The following PMM2 variants were observed in gnomAD, a reference collection of about 807,000 sequenced individuals.
PMM2 encodes mannose-6-phosphate isomerase.
In PMM2, 35 loss-of-function variants were observed where a neutral mutation model predicts 33.2. That is an observed-to-expected ratio of 1.06 (90% CI 0.81 to 1.40). The LOEUF is 1.40. Ranked by LOEUF, PMM2 falls within the 40% of genes most tolerant of loss-of-function variation. The pLI, the probability that PMM2 is intolerant of heterozygous loss-of-function variation, is 0.00. For synonymous variants in PMM2, 153 were observed against 114.7 expected (o/e 1.33, Z -2.13); for missense variants, 386 against 306.0 (o/e 1.26, Z -1.95).
chr16:8,803,048 T>A (rs1218953799), intron 2 of PMM2, among the ~76,000 whole-genome samples: 1 of 152,130 alleles, frequency 6.6e-6, no homozygotes, highest in Non-Finnish European at 1.5e-5. Flanking sequence ...ACCCACTAGA[T>A]GCCCACAGCA....
intron 7 of PMM2, among the ~76,000 whole-genome samples, chr16:8,839,305 A>G (rs2060873634): frequency 6.6e-6 from 1 of 151,954 alleles, no homozygotes; most frequent in Admixed American, 6.6e-5. Flanking sequence ...GGAAGAAGAG[A>G]CCTTGTGCGA....
chr16:8,822,688 G>A (rs2060744750), intron 7 of PMM2, among the ~76,000 whole-genome samples: 1 of 152,138 alleles, frequency 6.6e-6, no homozygotes, highest in African/African-American at 2.4e-5. Context: ...TATGAAGATG[G>A]GAAAAGAGTG....
rs941830625 is a variant in PMM2 at position 8,811,713 on chromosome 16, G to C, written c.523G>C (p.Gly175Arg). The change falls in exon 6 of 8, where the codon GGA (glycine) becomes CGA (arginine). Residue 175 changes from glycine to arginine, a missense_variant and splice_region_variant. By Grantham distance (125) the Gly-to-Arg change is moderately radical. Coordinates refer to ENST00000268261, the MANE Select transcript of PMM2 (RefSeq NM_000303.3). ...FAGKGLTFSIGGQISFDVFPD... is the reference protein window; with the variant it reads ...FAGKGLTFSIRGQISFDVFPD... ...TGGAAAAGGCCTCACGTTTTCCATAGGTATTGTATATATTGCCTGTGTTCC... is the reference window on the plus strand; with the variant it reads ...TGGAAAAGGCCTCACGTTTTCCATACGTATTGTATATATTGCCTGTGTTCC... The C allele has an allele frequency of 1.5e-5, 24 of 1,602,230 alleles. No individual in the cohort carries two copies. The highest frequency in any genetic ancestry group is 2.0e-5 in the Non-Finnish European group (23 of 1,169,186).
chr16:8,797,865 C>T lies in PMM2; in HGVS notation c.-18C>T, dbSNP rs771526607. The T allele has an allele frequency of 1.4e-5, 23 of 1,609,968 alleles. No individual in the cohort carries two copies. The highest frequency in any genetic ancestry group is 2.0e-5 in the Non-Finnish European group (23 of 1,178,480). On this transcript the variant is annotated 5_prime_UTR_variant, in exon 1 of 8. Transcript: ENST00000268261. ...TCGTGCCAACGTGTCTTGTAAGGTG[C>T]GGCTAGAAACTGGGGACATGGCAGC...
At chr16:8,832,580 G>A (rs889978336) in intron 7 of PMM2, 1 of 985,306 alleles carries the variant, frequency 1.0e-6, no homozygotes, top group Non-Finnish European at 1.2e-6. Context: ...TTTGCTTCAG[G>A]GGTCTCTTCC....
chr16:8,800,157 G>C (rs1322761347), intron 1 of PMM2, among the ~76,000 whole-genome samples: 4 of 151,976 alleles, frequency 2.6e-5, no homozygotes, highest in African/African-American at 9.7e-5. Context: ...TCAGGAGTTC[G>C]AGACCAGCCT....
At chr16:8,838,719 G>T (rs1240810535) in intron 7 of PMM2, among the ~76,000 whole-genome samples, 1 of 151,978 alleles carries the variant, frequency 6.6e-6, no homozygotes, top group East Asian at 1.9e-4. Flanking sequence ...AGAAAAATGG[G>T]TATTAAAGGA....
intron 7 of PMM2, among the ~76,000 whole-genome samples, chr16:8,829,001 G>A (rs1431973763): frequency 6.6e-6 from 1 of 152,018 alleles, no homozygotes; most frequent in Non-Finnish European, 1.5e-5. Flanking sequence ...CTTTTGAGAT[G>A]GAGTCTCACT....
intron 7 of PMM2, among the ~76,000 whole-genome samples, chr16:8,835,729 A>AT (rs1206553228): frequency 2.6e-5 from 4 of 152,046 alleles, no homozygotes; most frequent in African/African-American, 9.7e-5. Flanking sequence ...CAGGCGAGTG[A>AT]TAACAGGCTT....
At chr16:8,827,865 T>TATTGTATAATA in intron 7 of PMM2, among the ~76,000 whole-genome samples, 1 of 91,220 alleles carries the variant, frequency 1.1e-5, no homozygotes, top group African/African-American at 3.7e-5. Context: ...ATGTTATATA[T>TATTGTATAATA]TATATATATG....
At chr16:8,842,050 A>G (rs2060894168) in intron 7 of PMM2, among the ~76,000 whole-genome samples, 1 of 150,222 alleles carries the variant, frequency 6.7e-6, no homozygotes, top group Non-Finnish European at 1.5e-5. Context: ...CAGTAAGGTC[A>G]AGTTGTTTGG....
intron 7 of PMM2, among the ~76,000 whole-genome samples, chr16:8,837,111 G>A (rs2060854295): frequency 1.3e-5 from 2 of 152,004 alleles, no homozygotes; most frequent in South Asian, 2.1e-4. Context: ...GAAAGACTCA[G>A]CGACGCTTGG....
intron 1 of PMM2, among the ~76,000 whole-genome samples, chr16:8,799,583 C>CT (rs1305922867): frequency 2.6e-5 from 4 of 151,740 alleles, no homozygotes; most frequent in Non-Finnish European, 4.4e-5. Context: ...GAGTCTCACT[C>CT]TGTCACCAGA....
chr16:8,815,811 A>C (rs576217564), intron 7 of PMM2, among the ~76,000 whole-genome samples: 134 of 152,348 alleles, frequency 8.8e-4, no homozygotes, highest in Non-Finnish European at 1.6e-3. Context: ...CAAGTTGGAC[A>C]ACGTCAAACT....
chr16:8,813,237 T>C (rs932129850), intron 7 of PMM2, 131 bp downstream of exon 7: 4 of 734,440 alleles, frequency 5.4e-6, no homozygotes, highest in Non-Finnish European at 1.0e-5. Flanking sequence ...GTGGCTTCTG[T>C]CCTGGAGAGG....
chr16:8,824,427 C>G (rs903774997), intron 7 of PMM2, among the ~76,000 whole-genome samples: 1 of 152,200 alleles, frequency 6.6e-6, no homozygotes, highest in African/African-American at 2.4e-5. Context: ...GAAATCTGGT[C>G]ATCTCTGTGA....
At chr16:8,801,436 C>T (rs2060615720) in intron 1 of PMM2, among the ~76,000 whole-genome samples, 1 of 152,138 alleles carries the variant, frequency 6.6e-6, no homozygotes, top group African/African-American at 2.4e-5. Context: ...TTTGGGAGGC[C>T]AAGGCTGGTG....
rs755237333 is a variant in PMM2, at chr16:8,797,916, G to A, written c.34G>A (p.Asp12Asn). 5 of 1,610,784 alleles carry A rather than the reference G, an allele frequency of 3.1e-6. No individual in the cohort carries two copies. The highest frequency in any genetic ancestry group is 4.2e-6 in the Non-Finnish European group (5 of 1,178,988). The change falls in exon 1 of 8, where the codon GAC (aspartate) becomes AAC (asparagine). Residue 12 changes from aspartate (D) to asparagine (N), a missense_variant. Transcript: ENST00000268261. ...GCCTGGCCCAGCGCTCTGCCTCTTC[G>A]ACGTGGATGGGACCCTCACCGCCCC... ...AAPGPALCLF[D>N]VDGTLTAPRQ...
At chr16:8,813,761 GGT>G (rs1195275908) in intron 7 of PMM2, among the ~76,000 whole-genome samples, 1 of 152,094 alleles carries the variant, frequency 6.6e-6, no homozygotes, top group African/African-American at 2.4e-5. Context: ...CGTGGGGCAA[GGT>G]GGATCCCCAG....
Sources: gnomAD v4.1 joint callset for allele counts (sites outside exome capture counted in the v4.1 genomes callset) on GRCh38, gnomAD v4.1.1 for gene constraint, MANE v1.5 for transcripts, NCBI Gene and HGNC (gene_info 2026-07-23, HGNC 2026-07-21) for gene names.